PCGF3: variants seen among roughly 807,000 people sequenced by gnomAD.
PCGF3 encodes the protein polycomb group ring finger 3, also known as polycomb group RING finger protein 3.
Under a neutral mutation model 33.1 loss-of-function variants are expected in PCGF3, and 7 were observed. The observed-to-expected ratio is 0.21, with a 90% CI of 0.12 to 0.40. The LOEUF is 0.40. PCGF3 is among the 10% of genes least tolerant of loss of function. The probability of loss-of-function intolerance (pLI) is 1.00; values close to 1 mark genes in which losing one functional copy is unlikely to be tolerated. For synonymous variants in PCGF3, 153 were observed against 121.3 expected (o/e 1.26, Z -1.72); for missense variants, 211 against 313.3 (o/e 0.67, Z 2.46).
intron 1 of PCGF3, among the ~76,000 whole-genome samples, chr4:730,015 C>T (rs777120424): frequency 1.3e-5 from 2 of 152,082 alleles, no homozygotes; most frequent in East Asian, 1.9e-4. Context: ...CCCCTGGTCC[C>T]GGGTGGGGAC....
intron 6 of PCGF3, among the ~76,000 whole-genome samples, chr4:742,185 CCTCT>C (rs1333632665): frequency 6.8e-6 from 1 of 147,950 alleles, no homozygotes; most frequent in Non-Finnish European, 1.5e-5. Context: ...GGGGTCCCCT[CCTCT>C]CTCTGCCCAG....
At chr4:732,349 C>CCCCTCCCCTCCCCTCT (rs1553844986) in intron 3 of PCGF3, 1 of 128,040 alleles carries the variant, frequency 7.8e-6, no homozygotes, top group Admixed American at 7.8e-5. Flanking sequence ...CCCCTCCCTT[C>CCCCTCCCCTCCCCTCT]CCTTCCCCTC....
chr4:758,165 C>CAA lies in PCGF3; in HGVS notation c.463-3088_463-3087dup, dbSNP rs61081270. Among the ~76,000 whole-genome samples the CAA allele has an allele frequency of 5.6e-3, 308 of 54,894 alleles. 27 individuals are homozygous for CAA. The highest frequency in any genetic ancestry group is 0.02 in the African/African-American group (263 of 13,062). 36.0% of individuals were successfully genotyped at this position (54,894 alleles called of 152,430 possible). A position where few individuals can be genotyped will look rare whatever the true frequency, so the allele number is the denominator to read the frequency against. ...CTGGCTACAGAGGGAGACTCTGTCT[C>CAA]AAAAAAAAAAAAAAAAAAAAAAAAA... On this transcript the variant is annotated intron_variant, in intron 8 of 10. Coordinates refer to ENST00000362003, the Ensembl canonical transcript of PCGF3.
chr4:724,931 C>CA (rs1365572825), intron 1 of PCGF3, among the ~76,000 whole-genome samples: 2 of 151,836 alleles, frequency 1.3e-5, no homozygotes, highest in Admixed American at 1.3e-4. Context: ...CACTGCACTC[C>CA]AGCCTGGTGA....
intron 8 of PCGF3, among the ~76,000 whole-genome samples, chr4:751,051 A>AT (rs3214921): frequency 0.21 from 31,163 of 151,454 alleles, 3,723 homozygotes; most frequent in Middle Eastern, 0.27. Context: ...GTGAGAATAC[A>AT]TTTTTTCCCC....
chr4:753,282 C>G (rs1045240318), intron 8 of PCGF3, among the ~76,000 whole-genome samples: 3 of 152,246 alleles, frequency 2.0e-5, no homozygotes, highest in South Asian at 2.1e-4. Flanking sequence ...CTCTTGGGCT[C>G]AAGTGCTTCT....
intron 8 of PCGF3, among the ~76,000 whole-genome samples, chr4:748,536 G>A (rs553971112): frequency 5.9e-4 from 90 of 152,322 alleles, no homozygotes; most frequent in African/African-American, 2.0e-3. Flanking sequence ...TGTTTAAAAC[G>A]TTCAGTGAGC....
chr4:755,467 C>T (rs963330223), intron 8 of PCGF3, among the ~76,000 whole-genome samples: 3 of 152,210 alleles, frequency 2.0e-5, no homozygotes, highest in Non-Finnish European at 2.9e-5. Context: ...CGCCGCCCCA[C>T]GCTCACTGCA....
chr4:730,351 C>T (rs978300171), intron 1 of PCGF3, among the ~76,000 whole-genome samples: 3 of 152,164 alleles, frequency 2.0e-5, no homozygotes, highest in South Asian at 2.1e-4. Context: ...CCCAAAACAG[C>T]ATGATGGGGC....
At chr4:709,675 C>T (rs1742482178) in intron 1 of PCGF3, among the ~76,000 whole-genome samples, 1 of 152,264 alleles carries the variant, frequency 6.6e-6, no homozygotes, top group Non-Finnish European at 1.5e-5. Flanking sequence ...CCCTAAAACT[C>T]TGAGCTATCT....
chr4:762,421 C>G (rs1239549942), intron 9 of PCGF3: 1 of 152,260 alleles, frequency 6.6e-6, no homozygotes, highest in Non-Finnish European at 1.5e-5. Context: ...GGTCCGAAAG[C>G]ATCCCCCAGA....
At position 721,876 on chromosome 4, in the gene PCGF3, A is replaced by T. The variant is rs1255227283; in HGVS notation, c.-189-8754A>T. ...AAAGAGGCCTGTGGGAGACTGGTGG[A>T]TGGGTGGCTCTGCGTGTGGGCGTGG... On this transcript the variant is annotated intron_variant, in intron 1 of 10. Transcript: ENST00000362003. This position sits in a 1 kb window ranked among gnomAD's most constrained non-coding sequence, Gnocchi z 4.1. 7.2e-6 allele frequency among the ~76,000 whole-genome samples: 1 copy of T among 139,712 alleles called. No homozygotes were observed. Among genetic ancestry groups the T allele is most frequent in the Non-Finnish European group, 1.5e-5 (1 of 66,160 alleles). The allele number at this position is 139,712 out of a possible 152,430, so 91.7% of individuals were successfully genotyped here. A position where few individuals can be genotyped will look rare whatever the true frequency, so the allele number is the denominator to read the frequency against.
intron 1 of PCGF3, among the ~76,000 whole-genome samples, chr4:717,973 G>T (rs1348816932): frequency 6.6e-6 from 1 of 152,208 alleles, no homozygotes; most frequent in East Asian, 1.9e-4. Flanking sequence ...GTTGAGGTCA[G>T]TGGGGCCTGG....
exon 11 of PCGF3, chr4:769,593 G>C (rs573201436): frequency 3.4e-4 from 52 of 152,282 alleles, no homozygotes; most frequent in African/African-American, 1.1e-3. Context: ...GACAGGGTGC[G>C]GGCAATGGCC....
chr4:741,896 C>T lies in PCGF3; in HGVS notation c.263-1578C>T, dbSNP rs112797791. 3.5e-4 allele frequency among the ~76,000 whole-genome samples: 53 copies of T among 152,254 alleles called. 1 individual carries two copies. The highest frequency in any genetic ancestry group is 1.2e-3 in the African/African-American group (51 of 41,540). On this transcript the variant is annotated intron_variant, in intron 6 of 10. Coordinates refer to ENST00000362003, the Ensembl canonical transcript of PCGF3. ...ACGGACCTATGTGGCCTGTTGTTCC[C>T]GTCACGGCTCTTCTGCAGACTGATG...
intron 1 of PCGF3, among the ~76,000 whole-genome samples, chr4:707,268 G>T (rs1484881684): frequency 1.3e-5 from 2 of 152,058 alleles, no homozygotes; most frequent in Non-Finnish European, 2.9e-5. Context: ...CAGACGTAGG[G>T]ACCAGGCAGA....
chr4:716,711 C>G (rs11728488), intron 1 of PCGF3, among the ~76,000 whole-genome samples: 3 of 102,630 alleles, frequency 2.9e-5, no homozygotes, highest in Admixed American at 9.9e-5. Context: ...GGTGCTGGGA[C>G]CCTGAAGACA....
At chr4:738,475 C>T (rs991511440) in intron 6 of PCGF3, among the ~76,000 whole-genome samples, 1 of 152,148 alleles carries the variant, frequency 6.6e-6, no homozygotes, top group Admixed American at 6.5e-5. Flanking sequence ...ACGTTTGCAC[C>T]GAGTGTTTCA....
intron 3 of PCGF3, among the ~76,000 whole-genome samples, chr4:732,654 C>G (rs1217056520): frequency 6.6e-6 from 1 of 152,154 alleles, no homozygotes; most frequent in Non-Finnish European, 1.5e-5. Flanking sequence ...TGGGGCTCAG[C>G]AGAGAGCTCC....
Sources: gnomAD v4.1 joint callset for allele counts (sites outside exome capture counted in the v4.1 genomes callset) on GRCh38, gnomAD v4.1.1 for gene constraint, Gnocchi (gnomAD v3.1) non-coding constraint, MANE v1.5 for transcripts, NCBI Gene and HGNC (gene_info 2026-07-23, HGNC 2026-07-21) for gene names.